The following PDE11A variants were observed in gnomAD, a reference collection of about 807,000 sequenced individuals.
PDE11A encodes dual 3',5'-cyclic-AMP and -GMP phosphodiesterase 11A.
Under a neutral mutation model 100.5 loss-of-function variants are expected in PDE11A, and 100 were observed. That is an observed-to-expected ratio of 1.00 (90% confidence interval 0.85 to 1.18). PDE11A has a LOEUF of 1.18. Ranked by LOEUF, PDE11A falls within the 50% of genes most tolerant of loss-of-function variation. The pLI, the probability that PDE11A is intolerant of heterozygous loss-of-function variation, is 0.00. For missense variants in PDE11A, 1,141 were observed against 1,152.6 expected (o/e 0.99, Z 0.15); for synonymous variants, 381 against 420.8 (o/e 0.91, Z 1.16).
chr2:177,916,691 T>A (rs942979560), intron 2 of PDE11A, among the ~76,000 whole-genome samples: 11 of 152,150 alleles, frequency 7.2e-5, no homozygotes, highest in Non-Finnish European at 1.3e-4. Context: ...TGGCTTCACA[T>A]CACCAGGTGC....
At chr2:178,036,942 GA>G (rs754026372) in intron 1 of PDE11A, among the ~76,000 whole-genome samples, 18 of 151,992 alleles carry the variant, frequency 1.2e-4, no homozygotes, top group Non-Finnish European at 2.2e-4. Flanking sequence ...CAGGCAATAC[GA>G]TTCAGGACAT....
chr2:177,737,830 T>C (rs973351902), intron 10 of PDE11A, among the ~76,000 whole-genome samples: 3 of 152,228 alleles, frequency 2.0e-5, no homozygotes, highest in African/African-American at 7.2e-5. Context: ...ACGTCTGTCT[T>C]GTTTACTGTT....
chr2:177,667,412 A>G (rs932761974), intron 18 of PDE11A, among the ~76,000 whole-genome samples: 5 of 151,974 alleles, frequency 3.3e-5, no homozygotes, highest in Non-Finnish European at 7.4e-5. Flanking sequence ...ATCCATTTTG[A>G]GTTTATTTCA....
At chr2:177,630,291 T>G (rs1399721759) in intron 19 of PDE11A, among the ~76,000 whole-genome samples, 1 of 152,192 alleles carries the variant, frequency 6.6e-6, no homozygotes, top group Non-Finnish European at 1.5e-5. Flanking sequence ...TATATTCTTT[T>G]GTGCTTAATT....
At position 177,720,728 on chromosome 2, in the gene PDE11A, T is replaced by C. The variant is rs564080258; in HGVS notation, c.2043+6930A>G. On this transcript the variant is annotated intron_variant, in intron 12 of 19. Transcript: ENST00000286063. ...AGTTTTGATTGAATTTGCTTATCTT[T>C]CTTTTCAAGATGAATGCAACCAAAT... Among the ~76,000 whole-genome samples, 9 of 152,312 alleles carry C rather than the reference T, an allele frequency of 5.9e-5. No homozygotes were observed. In the East Asian group the frequency reaches 1.7e-3, roughly 29 times the overall value.
chr2:177,999,359 C>G (rs539092638), intron 2 of PDE11A, among the ~76,000 whole-genome samples: 1 of 152,352 alleles, frequency 6.6e-6, no homozygotes, highest in East Asian at 1.9e-4. Flanking sequence ...ATGCCTCACT[C>G]TGGGTTTGGA....
chr2:177,845,891 G>T (rs888963361), intron 5 of PDE11A, among the ~76,000 whole-genome samples: 5 of 151,872 alleles, frequency 3.3e-5, no homozygotes, highest in African/African-American at 1.2e-4. Flanking sequence ...GTGGCGGCGC[G>T]TGCCTGCAAT....
intron 1 of PDE11A, among the ~76,000 whole-genome samples, chr2:178,031,131 A>G (rs567025332): frequency 1.3e-5 from 2 of 152,324 alleles, no homozygotes; most frequent in Non-Finnish European, 2.9e-5. Context: ...TTCTCTTATT[A>G]TTTTAAAAAT....
chr2:178,090,484 T>C (rs1363352349), intron 2 of PDE11A, among the ~76,000 whole-genome samples: 2 of 151,792 alleles, frequency 1.3e-5, no homozygotes, highest in Non-Finnish European at 2.9e-5. Context: ...CTGCCTTTTT[T>C]CATCTCAACT....
intron 15 of PDE11A, among the ~76,000 whole-genome samples, chr2:177,694,773 C>A (rs1344456795): frequency 6.6e-6 from 1 of 152,082 alleles, no homozygotes; most frequent in African/African-American, 2.4e-5. Context: ...ATTTTGCTGG[C>A]TTTTGTCCTT....
intron 2 of PDE11A, among the ~76,000 whole-genome samples, chr2:177,912,663 A>G (rs2084899653): frequency 6.6e-6 from 1 of 152,152 alleles, no homozygotes; most frequent in Non-Finnish European, 1.5e-5. Flanking sequence ...CCTTTCTAAA[A>G]TAATTTTTTT....
At chr2:177,999,563 T>C (rs1330148871) in intron 2 of PDE11A, among the ~76,000 whole-genome samples, 5 of 152,174 alleles carry the variant, frequency 3.3e-5, no homozygotes, top group Non-Finnish European at 7.3e-5. Flanking sequence ...GCACTGAGAA[T>C]GGAGTTAAAA....
At chr2:177,879,929 A>G (rs1471905524) in intron 4 of PDE11A, among the ~76,000 whole-genome samples, 2 of 152,250 alleles carry the variant, frequency 1.3e-5, no homozygotes, top group African/African-American at 4.8e-5. Flanking sequence ...AAAGAAAAAT[A>G]GGGACAAAAC....
intron 2 of PDE11A, among the ~76,000 whole-genome samples, chr2:177,952,809 T>TA (rs1383873021): frequency 2.0e-5 from 3 of 152,182 alleles, no homozygotes; most frequent in Admixed American, 6.5e-5. Flanking sequence ...ACATTGCACT[T>TA]ACACTATATT....
At chr2:178,078,036 T>G (rs1258295032) in intron 2 of PDE11A, among the ~76,000 whole-genome samples, 2 of 152,132 alleles carry the variant, frequency 1.3e-5, no homozygotes, top group African/African-American at 4.8e-5. Context: ...TGTGGTAATG[T>G]GTTACAGCAG....
At chr2:177,878,079 C>T (rs1174328196) in intron 4 of PDE11A, among the ~76,000 whole-genome samples, 1 of 152,058 alleles carries the variant, frequency 6.6e-6, no homozygotes, top group Non-Finnish European at 1.5e-5. Context: ...AAAAGAAGGG[C>T]TCATCACAAA....
intron 9 of PDE11A, among the ~76,000 whole-genome samples, chr2:177,813,471 T>G (rs1487106148): frequency 6.6e-6 from 1 of 151,722 alleles, no homozygotes; most frequent in Non-Finnish European, 1.5e-5. Context: ...AAAGCCCTAT[T>G]TTTTTTAAGT....
chr2:177,673,385 C>T (rs931403497), intron 17 of PDE11A, among the ~76,000 whole-genome samples: 3 of 152,172 alleles, frequency 2.0e-5, no homozygotes, highest in African/African-American at 7.2e-5. Flanking sequence ...GAGAACATCT[C>T]CCAGAGAATC....
intron 17 of PDE11A, among the ~76,000 whole-genome samples, chr2:177,671,999 T>C (rs2080690336): frequency 6.6e-6 from 1 of 152,150 alleles, no homozygotes; most frequent in African/African-American, 2.4e-5. Context: ...CTCTCAGTCC[T>C]CCTAACTTCC....
Sources: allele counts gnomAD v4.1 joint callset (sites outside exome capture counted in the v4.1 genomes callset), GRCh38; gene constraint gnomAD v4.1.1; transcripts MANE v1.5; gene names NCBI Gene and HGNC (gene_info 2026-07-23, HGNC 2026-07-21).